Variants in SBF2 observed in about 807,000 individuals in gnomAD.
SBF2 encodes the protein myotubularin-related protein 13.
A neutral mutation model predicts 225.2 loss-of-function variants in SBF2; 112 were observed. The ratio of observed to expected loss-of-function variants is 0.50; its 90% CI spans 0.43 to 0.58. The LOEUF (loss-of-function observed/expected upper bound fraction) is 0.58, where lower values mean the gene tolerates loss of function less well. Among genes scored for constraint, SBF2 ranks in the 20% least tolerant of loss-of-function variants. The pLI is 0.00. For missense variants in SBF2, 1,996 were observed against 2,206.2 expected (o/e 0.90, Z 1.91); for synonymous variants, 763 against 773.3 (o/e 0.99, Z 0.22).
At chr11:10,273,910 C>A (rs1962745371) in intron 1 of SBF2, among the ~76,000 whole-genome samples, 1 of 152,222 alleles carries the variant, frequency 6.6e-6, no homozygotes, top group South Asian at 2.1e-4. Flanking sequence ...AGATGACCTT[C>A]ATCATATGAT....
At chr11:10,199,650 C>T (rs1957505966) in intron 1 of SBF2, among the ~76,000 whole-genome samples, 1 of 152,086 alleles carries the variant, frequency 6.6e-6, no homozygotes. Context: ...AAAGTAAAGC[C>T]AGGTGCACTG....
chr11:9,784,326 T>C (rs1852225551), intron 38 of SBF2, 25 bp downstream of exon 38: 1 of 1,565,988 alleles, frequency 6.4e-7, no homozygotes, highest in South Asian at 1.1e-5. Flanking sequence ...ACAGAAGTAA[T>C]TTCTTTTGGC....
chr11:10,196,636 C>T (rs1254501036), intron 1 of SBF2, among the ~76,000 whole-genome samples: 1 of 151,788 alleles, frequency 6.6e-6, no homozygotes, highest in African/African-American at 2.4e-5. Context: ...GCCTCAGCCT[C>T]CCAAAGTGCT....
At chr11:9,870,258 T>C (rs377006284) in intron 17 of SBF2, among the ~76,000 whole-genome samples, 1 of 152,216 alleles carries the variant, frequency 6.6e-6, no homozygotes, top group Non-Finnish European at 1.5e-5. Context: ...AGAATCAGTA[T>C]TGTGAAAATG....
chr11:10,145,341 T>C (rs1954836641), intron 2 of SBF2, among the ~76,000 whole-genome samples: 1 of 152,150 alleles, frequency 6.6e-6, no homozygotes, highest in Non-Finnish European at 1.5e-5. Flanking sequence ...CTCAGGGATC[T>C]AAGTGCAAGT....
chr11:9,977,095 G>C (rs1946730102), intron 13 of SBF2, among the ~76,000 whole-genome samples: 1 of 152,112 alleles, frequency 6.6e-6, no homozygotes, highest in Non-Finnish European at 1.5e-5. Flanking sequence ...GAAGTTTTAT[G>C]AAGTTCTTGT....
chr11:9,983,976 A>G (rs1435994001), intron 13 of SBF2, among the ~76,000 whole-genome samples: 1 of 152,224 alleles, frequency 6.6e-6, no homozygotes, highest in Non-Finnish European at 1.5e-5. Flanking sequence ...CCCAAATAAG[A>G]AGGAACCAGA....
intron 2 of SBF2, among the ~76,000 whole-genome samples, chr11:10,084,945 G>A (rs1440158085): frequency 4.6e-5 from 7 of 152,166 alleles, no homozygotes; most frequent in Non-Finnish European, 8.8e-5. Context: ...AGGAGCTATG[G>A]CGGGGGTAGC....
At chr11:10,279,601 C>A (rs563537252) in intron 1 of SBF2, among the ~76,000 whole-genome samples, 4 of 152,140 alleles carry the variant, frequency 2.6e-5, no homozygotes, top group East Asian at 1.9e-4. Flanking sequence ...TATATGCCTA[C>A]GTGACCTGTC....
intron 1 of SBF2, among the ~76,000 whole-genome samples, chr11:10,300,895 T>C (rs77722766): frequency 0.098 from 14,912 of 151,436 alleles, 887 homozygotes; most frequent in Non-Finnish European, 0.11. Context: ...GAGATCCACT[T>C]GCCTCAGCCT....
chr11:9,939,288 G>A (rs1435542922), intron 16 of SBF2, among the ~76,000 whole-genome samples: 1 of 152,052 alleles, frequency 6.6e-6, no homozygotes, highest in Non-Finnish European at 1.5e-5. Flanking sequence ...AGTAGAGACG[G>A]GGTTTCACCA....
At chr11:10,211,939 G>C (rs1957957610) in intron 1 of SBF2, among the ~76,000 whole-genome samples, 1 of 152,206 alleles carries the variant, frequency 6.6e-6, no homozygotes, top group African/African-American at 2.4e-5. Flanking sequence ...AACTGGAGTG[G>C]TAGAAGCAGC....
chr11:9,852,790 A>C, intron 20 of SBF2, 41 bp from the exon 21 acceptor site: 1 of 1,421,294 alleles, frequency 7.0e-7, no homozygotes, highest in Non-Finnish European at 1.0e-6. Flanking sequence ...GAACACAGAC[A>C]AGCAGGATAA....
At chr11:10,266,196 T>C (rs779912078) in intron 1 of SBF2, among the ~76,000 whole-genome samples, 9 of 152,200 alleles carry the variant, frequency 5.9e-5, no homozygotes, top group Admixed American at 2.0e-4. Flanking sequence ...CACATTCCAA[T>C]AGGTGGCTAA....
At chr11:9,799,265 A>G (rs1853338509) in intron 32 of SBF2, among the ~76,000 whole-genome samples, 1 of 152,176 alleles carries the variant, frequency 6.6e-6, no homozygotes, top group Non-Finnish European at 1.5e-5. Context: ...GCCTCACCAC[A>G]AGCCCTCTAC....
intron 17 of SBF2, among the ~76,000 whole-genome samples, chr11:9,887,161 G>A (rs1002007900): frequency 4.2e-4 from 64 of 151,424 alleles, no homozygotes; most frequent in Admixed American, 1.4e-3. Context: ...CATGAAAAAA[G>A]TTAATTATCA....
At chr11:9,815,777 A>G (rs969779138) in intron 29 of SBF2, among the ~76,000 whole-genome samples, 1 of 152,216 alleles carries the variant, frequency 6.6e-6, no homozygotes, top group South Asian at 2.1e-4. Flanking sequence ...ATATAAAATT[A>G]TCTACTGTAT....
At chr11:10,006,636 A>T (rs891219259) in intron 6 of SBF2, among the ~76,000 whole-genome samples, 1 of 152,188 alleles carries the variant, frequency 6.6e-6, no homozygotes, top group Non-Finnish European at 1.5e-5. Context: ...TAAGAAGACA[A>T]ATAAATGTTA....
intron 16 of SBF2, among the ~76,000 whole-genome samples, chr11:9,951,684 CG>C (rs1865869667): frequency 6.6e-6 from 1 of 152,086 alleles, no homozygotes; most frequent in South Asian, 2.1e-4. Flanking sequence ...CCCAGTTTCA[CG>C]GACAAATAAA....
Sources: gnomAD v4.1 joint callset for allele counts (sites outside exome capture counted in the v4.1 genomes callset) on GRCh38, gnomAD v4.1.1 for gene constraint, MANE v1.5 for transcripts, NCBI Gene and HGNC (gene_info 2026-07-23, HGNC 2026-07-21) for gene names.